ITCH: variants seen among roughly 807,000 people sequenced by gnomAD.
ITCH encodes E3 ubiquitin-protein ligase Itchy homolog.
In ITCH, 28 loss-of-function variants were observed where a neutral mutation model predicts 126.8. The observed-to-expected ratio is 0.22, with a 90% confidence interval of 0.16 to 0.30. ITCH has a LOEUF of 0.30. Among genes scored for constraint, ITCH ranks in the 10% least tolerant of loss-of-function variants. ITCH has a pLI of 1.00. For synonymous variants in ITCH, 342 were observed against 340.0 expected, an observed-to-expected ratio of 1.01 and a Z score of -0.06; for missense variants, 631 against 1,032.4, an observed-to-expected ratio of 0.61 and a Z score of 5.33.
intron 3 of ITCH, among the ~76,000 whole-genome samples, chr20:34,395,268 C>T (rs1055236623): frequency 1.3e-5 from 2 of 151,586 alleles, no homozygotes; most frequent in Admixed American, 1.3e-4. Flanking sequence ...TTTTATATTC[C>T]TGCTATACAA....
Position 34,507,731 on chromosome 20 carries a change from T to C in ITCH, c.2526T>C (p.Tyr842=). ...NRLDLPPYKS[Y]EQLKEKLLFA... ...TGGACCTGCCACCATACAAGAGCTA[T>C]GAGCAACTGAAGGAAAAGCTGTTGT... Residue 842 remains tyrosine, a synonymous_variant, in exon 25 of 25, where the codon TAT becomes TAC. Transcript: ENST00000374864. 2.5e-6 allele frequency: 4 copies of C among 1,613,996 alleles called. No individual in the cohort carries two copies. Among genetic ancestry groups the C allele is most frequent in the Non-Finnish European group, 3.4e-6 (4 of 1,179,886 alleles).
intron 21 of ITCH, 48 bp downstream of exon 21, chr20:34,489,434 C>T: frequency 6.4e-7 from 1 of 1,550,728 alleles, no homozygotes; most frequent in Non-Finnish European, 8.9e-7. Context: ...TAAATAATGC[C>T]TTAAGTTGTC....
intron 18 of ITCH, 33 bp downstream of exon 18, chr20:34,479,822 C>T: frequency 1.3e-6 from 2 of 1,596,210 alleles, no homozygotes; most frequent in Middle Eastern, 1.7e-4. Context: ...GTTTACTTTG[C>T]TTATTCAGCA....
chr20:34,412,770 A>G lies in ITCH; in HGVS notation c.337+131A>G, dbSNP rs2146169347. Reference sequence around the variant, plus strand: ...TTTTACTTGGTTATAGGATGAACAGATAGAAGAATTTTACACTATTGAAAG... The same window carrying G: ...TTTTACTTGGTTATAGGATGAACAGGTAGAAGAATTTTACACTATTGAAAG... On this transcript the variant is annotated intron_variant, in intron 5 of 24. Transcript: ENST00000374864. The G allele has an allele frequency of 5.5e-6, 4 of 727,122 alleles. No individual in the cohort carries two copies. The East Asian group carries it at 1.1e-4, about 20-fold the overall frequency. 45.0% of individuals were successfully genotyped at this position (727,122 alleles called of 1,614,324 possible). A position where few individuals can be genotyped will look rare whatever the true frequency, so the allele number is the denominator to read the frequency against.
chr20:34,409,142 C>A (rs1448990919), intron 4 of ITCH, among the ~76,000 whole-genome samples: 2 of 128,636 alleles, frequency 1.6e-5, no homozygotes, highest in Non-Finnish European at 3.3e-5. Flanking sequence ...TGAGTACTCC[C>A]CCCCCCCCCG....
chr20:34,507,263 GTTTT>G (rs776161631), intron 24 of ITCH, among the ~76,000 whole-genome samples: 3 of 39,162 alleles, frequency 7.7e-5, no homozygotes, highest in South Asian at 1.8e-3. Context: ...GTTTTCTTCT[GTTTT>G]TTTTTTTTTT....
At chr20:34,379,334 AT>A (rs2037963784) in intron 2 of ITCH, among the ~76,000 whole-genome samples, 1 of 152,212 alleles carries the variant, frequency 6.6e-6, no homozygotes, top group Non-Finnish European at 1.5e-5. Context: ...TAAAATACAC[AT>A]TACATACAGT....
At chr20:34,442,813 A>C (rs1983928703) in intron 10 of ITCH, among the ~76,000 whole-genome samples, 1 of 151,556 alleles carries the variant, frequency 6.6e-6, no homozygotes, top group Non-Finnish European at 1.5e-5. Context: ...TTCTACTAAA[A>C]ATACAAAAAA....
At chr20:34,378,559 A>G (rs1208700732) in intron 2 of ITCH, among the ~76,000 whole-genome samples, 1 of 151,892 alleles carries the variant, frequency 6.6e-6, no homozygotes, top group African/African-American at 2.4e-5. Flanking sequence ...GAATAAAAAT[A>G]CTGAACTGGG....
intron 1 of ITCH, among the ~76,000 whole-genome samples, chr20:34,366,694 C>G (rs2037434104): frequency 6.6e-6 from 1 of 151,736 alleles, no homozygotes; most frequent in African/African-American, 2.4e-5. Flanking sequence ...TGGTGATATC[C>G]CGTCTTTACC....
intron 15 of ITCH, among the ~76,000 whole-genome samples, chr20:34,470,996 AGATGT>A (rs1473304901): frequency 3.9e-5 from 6 of 152,290 alleles, no homozygotes; most frequent in Non-Finnish European, 8.8e-5. Flanking sequence ...TGTTTTTTTC[AGATGT>A]GATCAACTAT....
chr20:34,462,490 A>G (rs1986635802), intron 14 of ITCH, among the ~76,000 whole-genome samples: 1 of 152,128 alleles, frequency 6.6e-6, no homozygotes, highest in South Asian at 2.1e-4. Flanking sequence ...TTAGTCTCTG[A>G]TTTCTGATTT....
intron 14 of ITCH, among the ~76,000 whole-genome samples, chr20:34,463,698 T>C (rs1986755183): frequency 6.6e-6 from 1 of 152,000 alleles, no homozygotes; most frequent in Non-Finnish European, 1.5e-5. Context: ...ATTTTTCTAA[T>C]GGTTTGTGAT....
chr20:34,367,164 A>G (rs2037450949), intron 1 of ITCH, among the ~76,000 whole-genome samples: 1 of 152,128 alleles, frequency 6.6e-6, no homozygotes, highest in African/African-American at 2.4e-5. Context: ...AATTTGGAAG[A>G]GAACTTGAAG....
At chr20:34,495,294 A>AAAAT (rs1555885664) in intron 23 of ITCH, among the ~76,000 whole-genome samples, 1 of 120,528 alleles carries the variant, frequency 8.3e-6, no homozygotes, top group Admixed American at 8.5e-5. Flanking sequence ...AAATAAATAA[A>AAAAT]ATATATATAT....
intron 16 of ITCH, among the ~76,000 whole-genome samples, chr20:34,474,219 T>A (rs940186996): frequency 6.6e-6 from 1 of 152,170 alleles, no homozygotes; most frequent in Non-Finnish European, 1.5e-5. Flanking sequence ...AGAGGGGGAT[T>A]TGGCAGGGTC....
At chr20:34,444,590 A>G (rs1407639243) in intron 10 of ITCH, among the ~76,000 whole-genome samples, 1 of 151,088 alleles carries the variant, frequency 6.6e-6, no homozygotes, top group African/African-American at 2.4e-5. Context: ...TCTGTCTCCA[A>G]AAAAAAAAGA....
intron 23 of ITCH, among the ~76,000 whole-genome samples, chr20:34,503,344 A>G (rs965591153): frequency 1.3e-5 from 2 of 152,190 alleles, no homozygotes; most frequent in African/African-American, 2.4e-5. Flanking sequence ...GAGACCAACA[A>G]TAAATGCTTC....
intron 2 of ITCH, 148 bp from the exon 3 acceptor site, chr20:34,393,643 G>A (rs2038564285): frequency 2.9e-6 from 2 of 682,094 alleles, no homozygotes; most frequent in African/African-American, 1.8e-5. Context: ...AAGTTAGGTA[G>A]GATAAAGACT....
Sources: allele counts gnomAD v4.1 joint callset (sites outside exome capture counted in the v4.1 genomes callset), GRCh38; gene constraint gnomAD v4.1.1; transcripts MANE v1.5; gene names NCBI Gene and HGNC (gene_info 2026-07-23, HGNC 2026-07-21).